MYLK4: variants seen among roughly 807,000 people sequenced by gnomAD.
The protein encoded by MYLK4 is caMLCK like.
MYLK4 carries 46 observed loss-of-function variants against 48.1 expected under a neutral mutation model. The observed-to-expected ratio is 0.96, with a 90% CI of 0.75 to 1.22. MYLK4 has a LOEUF of 1.22. Ranked by LOEUF, MYLK4 falls within the 50% of genes most tolerant of loss-of-function variation. The pLI is 0.00. For missense variants in MYLK4, 451 were observed against 486.1 expected, an observed-to-expected ratio of 0.93 and a Z score of 0.68; for synonymous variants, 170 against 180.8, an observed-to-expected ratio of 0.94 and a Z score of 0.48.
At chr6:2,708,589 C>T (rs1166325708) in intron 2 of MYLK4, among the ~76,000 whole-genome samples, 1 of 152,162 alleles carries the variant, frequency 6.6e-6, no homozygotes, top group Non-Finnish European at 1.5e-5. Context: ...TTCTAGTATG[C>T]TTAGGGATTC....
intron 2 of MYLK4, among the ~76,000 whole-genome samples, chr6:2,746,130 G>C (rs1289585942): frequency 6.6e-6 from 1 of 151,556 alleles, no homozygotes; most frequent in African/African-American, 2.4e-5. Context: ...AGTCAGGCGT[G>C]GTTGCGTGCG....
chr6:2,683,391 T>TTGTGTGTG (rs67359849), intron 6 of MYLK4, among the ~76,000 whole-genome samples: 8,455 of 126,498 alleles, frequency 0.067, 461 homozygotes, highest in Middle Eastern at 0.085. Flanking sequence ...CCCCACCTTT[T>TTGTGTGTG]TGTGTGTGTG....
At chr6:2,703,818 G>A (rs12207911) in intron 2 of MYLK4, among the ~76,000 whole-genome samples, 27,465 of 151,888 alleles carry the variant, frequency 0.18, 2,558 homozygotes, top group Admixed American at 0.22. Flanking sequence ...CTATAGGCGT[G>A]TGCCACCACG....
At chr6:2,770,030 AAAAG>A in the MYLK4 span, 1 of 1,552,966 alleles carries the variant, frequency 6.4e-7, no homozygotes. Context: ...AAAAATGAGG[AAAAG>A]GAAGGAAGGG....
intron 3 of MYLK4, among the ~76,000 whole-genome samples, chr6:2,689,515 A>G (rs1314097398): frequency 6.6e-6 from 1 of 152,208 alleles, no homozygotes; most frequent in East Asian, 1.9e-4. Context: ...AAAACACCCA[A>G]TAAAACCAGG....
Position 2,675,044 on chromosome 6 carries a change from C to A in MYLK4, c.1119+3G>T. Reference sequence around the variant, plus strand: ...AAGAGGAAGAGCAAGAAGCCGTGGTCACCTGGGCATTGAGTCTGGAGTGGA... The same window carrying A: ...AAGAGGAAGAGCAAGAAGCCGTGGTAACCTGGGCATTGAGTCTGGAGTGGA... On this transcript the variant is annotated splice_donor_region_variant and intron_variant, in intron 11 of 12. Transcript: ENST00000274643. 6.2e-7 allele frequency: 1 copy of A among 1,611,878 alleles called. No individual in the cohort carries two copies. Among genetic ancestry groups the A allele is most frequent in the South Asian group, 1.1e-5 (1 of 90,962 alleles).
chr6:2,712,821 GA>G lies in MYLK4; in HGVS notation c.160-19963del, dbSNP rs1762722756. 2.6e-5 allele frequency among the ~76,000 whole-genome samples: 4 copies of G among 152,290 alleles called. No individual in the cohort carries two copies. The South Asian group carries it at 8.3e-4, about 32-fold the overall frequency. The stretch of plus-strand genomic sequence containing the variant: ...CTTGCTTCAAACCCTGAAAAGTCCT[GA>G]AGAAAGCAGGCCATTTAAATCCACA... On this transcript the variant is annotated intron_variant, in intron 2 of 12. Transcript: ENST00000274643.
chr6:2,757,722 C>T, the MYLK4 span, among the ~76,000 whole-genome samples: 15 of 152,138 alleles, frequency 9.9e-5, no homozygotes, highest in Non-Finnish European at 2.1e-4. Context: ...GAAAGATGCA[C>T]TGTCAATACA....
At chr6:2,736,540 CAT>C (rs1243648845) in intron 2 of MYLK4, among the ~76,000 whole-genome samples, 1 of 152,210 alleles carries the variant, frequency 6.6e-6, no homozygotes, top group African/African-American at 2.4e-5. Context: ...CATGCAAAAA[CAT>C]AATACTGAAA....
At chr6:2,683,794 AAG>A (rs1761420610) in intron 6 of MYLK4, among the ~76,000 whole-genome samples, 1 of 152,110 alleles carries the variant, frequency 6.6e-6, no homozygotes, top group African/African-American at 2.4e-5. Context: ...GTTGAAGAGA[AAG>A]AGGATCCTAA....
intron 2 of MYLK4, among the ~76,000 whole-genome samples, chr6:2,722,068 G>C (rs1763088057): frequency 6.6e-6 from 1 of 152,160 alleles, no homozygotes; most frequent in African/African-American, 2.4e-5. Flanking sequence ...AAAGAGACAG[G>C]GTCTTTCCAG....
chr6:2,680,399 C>A, intron 7 of MYLK4, 108 bp from the exon 8 acceptor site: 1 of 1,574,892 alleles, frequency 6.3e-7, no homozygotes, highest in Non-Finnish European at 8.6e-7. Context: ...ACATATCAGG[C>A]CTTTCACTTC....
At chr6:2,668,818 T>G (rs1041904673) in intron 12 of MYLK4, among the ~76,000 whole-genome samples, 4 of 152,166 alleles carry the variant, frequency 2.6e-5, no homozygotes, top group African/African-American at 9.7e-5. Context: ...TCCTGTAATC[T>G]CAGTGCTTTG....
chr6:2,673,263 A>G lies in MYLK4; in HGVS notation c.1119+1784T>C, dbSNP rs1432511264. ...CTCAAAATAGGTTAGTAACCCTAAT[A>G]AGCAGTTTATGTAGTCTGGGTGAGG... On this transcript the variant is annotated intron_variant, in intron 11 of 12. Transcript: ENST00000274643. This position sits in a 1 kb window ranked among gnomAD's most constrained non-coding sequence, Gnocchi z 4.2. 4.6e-5 allele frequency among the ~76,000 whole-genome samples: 7 copies of G among 152,244 alleles called. No homozygotes were observed. The highest frequency in any genetic ancestry group is 2.6e-4 in the Admixed American group (4 of 15,286).
intron 2 of MYLK4, among the ~76,000 whole-genome samples, chr6:2,702,007 A>C (rs1414062417): frequency 1.3e-5 from 2 of 152,186 alleles, no homozygotes; most frequent in African/African-American, 4.8e-5. Context: ...CTCAGAGGGA[A>C]GCCAGTGAGG....
At chr6:2,677,757 C>T (rs770663065) in intron 10 of MYLK4, among the ~76,000 whole-genome samples, 11 of 152,198 alleles carry the variant, frequency 7.2e-5, no homozygotes, top group African/African-American at 1.7e-4. Context: ...ATCTTCTACC[C>T]GATTTCTGCC....
intron 2 of MYLK4, among the ~76,000 whole-genome samples, chr6:2,736,307 C>T (rs765152008): frequency 1.3e-5 from 2 of 152,310 alleles, no homozygotes; most frequent in South Asian, 2.1e-4. Context: ...CAGGCTGCAG[C>T]GCAATGGCGC....
the MYLK4 span, chr6:2,766,311 C>G: frequency 6.2e-7 from 1 of 1,609,926 alleles, no homozygotes; most frequent in Non-Finnish European, 8.5e-7. Flanking sequence ...CTGGCCGACA[C>G]GATGCGTCCT....
intron 3 of MYLK4, among the ~76,000 whole-genome samples, chr6:2,689,393 T>C (rs2113156675): frequency 6.6e-6 from 1 of 152,388 alleles, no homozygotes; most frequent in South Asian, 2.1e-4. Context: ...ATGAAACATT[T>C]CTTCATGTTG....
Sources: gnomAD v4.1 joint callset for allele counts (sites outside exome capture counted in the v4.1 genomes callset) on GRCh38, gnomAD v4.1.1 for gene constraint, Gnocchi (gnomAD v3.1) non-coding constraint, MANE v1.5 for transcripts, NCBI Gene and HGNC (gene_info 2026-07-23, HGNC 2026-07-21) for gene names.